PITPNC1: variants seen among roughly 807,000 people sequenced by gnomAD.
PITPNC1 encodes the protein phosphatidylinositol transfer protein cytoplasmic 1.
PITPNC1 carries 18 observed loss-of-function variants against 44.7 expected under a neutral mutation model. That is an observed-to-expected ratio of 0.40 (90% confidence interval 0.28 to 0.60). The LOEUF is 0.60. Among genes scored for constraint, PITPNC1 ranks in the 20% least tolerant of loss-of-function variants. PITPNC1 has a pLI of 0.39. For synonymous variants in PITPNC1, 141 were observed against 149.6 expected (o/e 0.94, Z 0.42); for missense variants, 290 against 418.4 (o/e 0.69, Z 2.68).
At chr17:67,482,019 T>TAA (rs2039711628) in intron 1 of PITPNC1, among the ~76,000 whole-genome samples, 1 of 152,200 alleles carries the variant, frequency 6.6e-6, no homozygotes, top group African/African-American at 2.4e-5. Flanking sequence ...GAAATAAAAC[T>TAA]ATTTGTGTTT....
At chr17:67,406,457 A>T (rs534046407) in intron 1 of PITPNC1, among the ~76,000 whole-genome samples, 2 of 152,316 alleles carry the variant, frequency 1.3e-5, no homozygotes, top group African/African-American at 4.8e-5. Context: ...ATGTAAATGG[A>T]ATCACACAAT....
chr17:67,405,756 C>A (rs1347569554), intron 1 of PITPNC1, among the ~76,000 whole-genome samples: 1 of 151,956 alleles, frequency 6.6e-6, no homozygotes, highest in Non-Finnish European at 1.5e-5. Context: ...CAGGCATGCA[C>A]CACCACGCTC....
At chr17:67,567,366 C>A (rs1259928554) in intron 4 of PITPNC1, among the ~76,000 whole-genome samples, 1 of 152,086 alleles carries the variant, frequency 6.6e-6, no homozygotes, top group African/African-American at 2.4e-5. Flanking sequence ...TGCCTATAGT[C>A]CCAGCTAGTC....
chr17:67,413,491 G>A (rs184508959), intron 1 of PITPNC1, among the ~76,000 whole-genome samples: 2 of 145,672 alleles, frequency 1.4e-5, no homozygotes, highest in African/African-American at 5.2e-5. Flanking sequence ...GCTATGCTCA[G>A]CCTGTGTGTC....
At chr17:67,505,689 C>A (rs2040091400) in intron 1 of PITPNC1, among the ~76,000 whole-genome samples, 2 of 152,092 alleles carry the variant, frequency 1.3e-5, no homozygotes, top group African/African-American at 4.8e-5. Context: ...GTTAGCCAGG[C>A]TGGTCTCGAT....
chr17:67,665,776 A>G (rs2042413074), intron 6 of PITPNC1, among the ~76,000 whole-genome samples: 1 of 152,172 alleles, frequency 6.6e-6, no homozygotes, highest in African/African-American at 2.4e-5. Context: ...AAGCTTCAGA[A>G]GCAGAAAGGA....
chr17:67,531,417 G>T (rs2040459894), intron 1 of PITPNC1, among the ~76,000 whole-genome samples: 1 of 152,172 alleles, frequency 6.6e-6, no homozygotes, highest in South Asian at 2.1e-4. Flanking sequence ...GCGTGGCACA[G>T]ATAGGAGACA....
At chr17:67,608,263 A>C (rs1166907222) in intron 5 of PITPNC1, among the ~76,000 whole-genome samples, 1 of 146,280 alleles carries the variant, frequency 6.8e-6, no homozygotes, top group East Asian at 2.2e-4. Context: ...AAAACAAAAA[A>C]AAAAAACCAC....
intron 1 of PITPNC1, among the ~76,000 whole-genome samples, chr17:67,470,583 G>T (rs930789744): frequency 4.6e-5 from 7 of 151,942 alleles, no homozygotes; most frequent in African/African-American, 1.5e-4. Context: ...AGGTGGGGGG[G>T]GTCAGCCCCC....
intron 1 of PITPNC1, among the ~76,000 whole-genome samples, chr17:67,400,534 C>G (rs1199450346): frequency 6.6e-6 from 1 of 152,146 alleles, no homozygotes; most frequent in East Asian, 1.9e-4. Context: ...CATTCCTCCC[C>G]CTTTCCGTTT....
At chr17:67,463,098 T>A (rs2039367438) in intron 1 of PITPNC1, among the ~76,000 whole-genome samples, 1 of 152,272 alleles carries the variant, frequency 6.6e-6, no homozygotes, top group Admixed American at 6.5e-5. Flanking sequence ...ATTGTGTTTA[T>A]ATAGACTGTG....
intron 1 of PITPNC1, among the ~76,000 whole-genome samples, chr17:67,383,405 T>C (rs922467659): frequency 1.3e-5 from 2 of 152,234 alleles, no homozygotes; most frequent in African/African-American, 2.4e-5. Flanking sequence ...GAAGAAAATA[T>C]TCTCCTGAGG....
intron 1 of PITPNC1, among the ~76,000 whole-genome samples, chr17:67,486,131 C>T (rs2039774616): frequency 6.6e-6 from 1 of 151,950 alleles, no homozygotes; most frequent in Non-Finnish European, 1.5e-5. Context: ...TTTATTTTTT[C>T]CTGACATGTA....
At chr17:67,690,664 G>T (rs541426269) in intron 8 of PITPNC1, among the ~76,000 whole-genome samples, 1 of 152,026 alleles carries the variant, frequency 6.6e-6, no homozygotes, top group Non-Finnish European at 1.5e-5. Context: ...CAGAAAATCC[G>T]CGGGCACTAA....
At chr17:67,566,008 C>A (rs186640406) in intron 4 of PITPNC1, among the ~76,000 whole-genome samples, 13 of 151,832 alleles carry the variant, frequency 8.6e-5, no homozygotes, top group African/African-American at 3.1e-4. Context: ...AAAAATGGGG[C>A]TATCCTGTTT....
At chr17:67,643,162 C>T (rs895269546) in intron 6 of PITPNC1, among the ~76,000 whole-genome samples, 3 of 152,100 alleles carry the variant, frequency 2.0e-5, no homozygotes, top group East Asian at 1.9e-4. Context: ...CACTTTGGGA[C>T]GCCAAGGCAG....
intron 1 of PITPNC1, among the ~76,000 whole-genome samples, chr17:67,512,986 G>A (rs2916139): frequency 0.67 from 101,868 of 151,920 alleles, 34,365 homozygotes; most frequent in East Asian, 0.88. Context: ...GTGGCTTCCA[G>A]TCTAGTAGGG....
At chr17:67,478,872 C>T (rs1005055061) in intron 1 of PITPNC1, among the ~76,000 whole-genome samples, 61 of 151,350 alleles carry the variant, frequency 4.0e-4, no homozygotes, top group African/African-American at 1.4e-3. Context: ...ACTGAGCCTG[C>T]GACTTTCTTC....
chr17:67,602,247 G>A (rs72848180), intron 5 of PITPNC1, among the ~76,000 whole-genome samples: 1,752 of 152,254 alleles, frequency 0.012, 18 homozygotes, highest in Middle Eastern at 0.034. Context: ...AATGAGCTTT[G>A]GAGTCCAGTG....
Sources: allele counts gnomAD v4.1 joint callset (sites outside exome capture counted in the v4.1 genomes callset), GRCh38; gene constraint gnomAD v4.1.1; transcripts MANE v1.5; gene names NCBI Gene and HGNC (gene_info 2026-07-23, HGNC 2026-07-21).